The following ADARB2 variants were observed in gnomAD, a reference collection of about 807,000 sequenced individuals.
The protein encoded by ADARB2 is adenosine deaminase RNA specific B2 (inactive).
In ADARB2, 25 loss-of-function variants were observed where a neutral mutation model predicts 62.2. That is an observed-to-expected ratio of 0.40 (90% confidence interval 0.29 to 0.56). The LOEUF is 0.56. Among genes scored for constraint, ADARB2 ranks in the 20% least tolerant of loss-of-function variants. ADARB2 has a pLI of 0.43. For missense variants in ADARB2, 1,071 were observed against 1,077.4 expected, an observed-to-expected ratio of 0.99 and a Z score of 0.08; for synonymous variants, 572 against 500.8, an observed-to-expected ratio of 1.14 and a Z score of -1.90.
In ADARB2 at chr10:1,708,984, A is replaced by G. The variant is rs376542534; in HGVS notation, c.100+28067T>C. Among the ~76,000 whole-genome samples the G allele has an allele frequency of 5.9e-5, 9 of 152,296 alleles. No homozygotes were observed. The South Asian group carries it at 1.9e-3, about 32-fold the overall frequency. On this transcript the variant is annotated intron_variant, in intron 1 of 9. Transcript: ENST00000381312. Reference sequence around the variant, plus strand: ...CCTGAGGTAAGGAAAGGAGGAGGCCACGCAGGGAACATTTTAAATATGGAG... The same window carrying G: ...CCTGAGGTAAGGAAAGGAGGAGGCCGCGCAGGGAACATTTTAAATATGGAG...
chr10:1,653,394 G>T (rs894272201), intron 1 of ADARB2, among the ~76,000 whole-genome samples: 1 of 152,220 alleles, frequency 6.6e-6, no homozygotes, highest in Non-Finnish European at 1.5e-5. Context: ...GGGGCATGAA[G>T]AGGCTGGGGT....
At chr10:1,710,234 C>T (rs1834934293) in intron 1 of ADARB2, among the ~76,000 whole-genome samples, 1 of 152,202 alleles carries the variant, frequency 6.6e-6, no homozygotes, top group South Asian at 2.1e-4. Context: ...TATTTAATTT[C>T]TAACCTGGCT....
At chr10:1,494,234 T>C (rs1169126519) in intron 1 of ADARB2, among the ~76,000 whole-genome samples, 1 of 152,178 alleles carries the variant, frequency 6.6e-6, no homozygotes, top group Non-Finnish European at 1.5e-5. Context: ...AAATAGACTT[T>C]AAAATTATGA....
intron 3 of ADARB2, among the ~76,000 whole-genome samples, chr10:1,355,417 C>T (rs1299418023): frequency 6.6e-6 from 1 of 152,228 alleles, no homozygotes; most frequent in Non-Finnish European, 1.5e-5. Flanking sequence ...GGACGTGGGA[C>T]TCAGGTCTCC....
Position 1,216,945 on chromosome 10 carries a change from C to T in ADARB2, c.1682+6G>A. The T allele has an allele frequency of 6.2e-7, 1 of 1,604,800 alleles. No homozygotes were observed. Among genetic ancestry groups the T allele is most frequent in the Non-Finnish European group, 8.5e-7 (1 of 1,179,202 alleles). Reference sequence around the variant, plus strand: ...AACATCCTCGAGAGGAAGCCGTGGGCCTCACCTGGCGATCTTGTCCGTGCA... The same window carrying T: ...AACATCCTCGAGAGGAAGCCGTGGGTCTCACCTGGCGATCTTGTCCGTGCA... On this transcript the variant is annotated splice_donor_region_variant and intron_variant, in intron 7 of 9. Transcript: ENST00000381312.
intron 3 of ADARB2, among the ~76,000 whole-genome samples, chr10:1,283,745 G>T (rs191212815): frequency 6.6e-6 from 1 of 152,314 alleles, no homozygotes; most frequent in East Asian, 1.9e-4. Context: ...TCCTTCATGT[G>T]GCTCACTGGA....
chr10:1,515,750 C>T (rs1399106719), intron 1 of ADARB2, among the ~76,000 whole-genome samples: 2 of 152,238 alleles, frequency 1.3e-5, no homozygotes, highest in South Asian at 2.1e-4. Context: ...GTGTTTCTTC[C>T]AGGCCCGGAA....
chr10:1,227,009 A>C (rs1045363032), intron 6 of ADARB2, among the ~76,000 whole-genome samples: 1 of 152,258 alleles, frequency 6.6e-6, no homozygotes, highest in African/African-American at 2.4e-5. Context: ...GGTGGAGCCT[A>C]TAGAGGCAGG....
intron 1 of ADARB2, among the ~76,000 whole-genome samples, chr10:1,674,808 G>A (rs1588347930): frequency 6.6e-6 from 1 of 152,226 alleles, no homozygotes; most frequent in East Asian, 1.9e-4. Flanking sequence ...ATTCAAGTCG[G>A]AAAGCCCCTG....
At chr10:1,480,735 A>G (rs1831460365) in intron 1 of ADARB2, among the ~76,000 whole-genome samples, 3 of 152,322 alleles carry the variant, frequency 2.0e-5, no homozygotes, top group Admixed American at 6.5e-5. Context: ...GGTCTCATCT[A>G]AAAGAATAAA....
intron 2 of ADARB2, among the ~76,000 whole-genome samples, chr10:1,372,862 A>G (rs2131856025): frequency 6.6e-6 from 1 of 152,328 alleles, no homozygotes; most frequent in Middle Eastern, 3.4e-3. Context: ...ATATGCTTAC[A>G]CCAGGGCAGA....
chr10:1,626,170 A>C (rs1833765846), intron 1 of ADARB2, among the ~76,000 whole-genome samples: 2 of 133,810 alleles, frequency 1.5e-5, no homozygotes, highest in Admixed American at 7.4e-5. Context: ...CCTCCACTGG[A>C]CCTCGGACGC....
At position 1,348,094 on chromosome 10, in the gene ADARB2, C is replaced by T. The variant is rs78212089; in HGVS notation, c.1077+14934G>A. Reference sequence around the variant, plus strand: ...ACAGAGACAGTGGGAATGTGAATCCCGGGCCCCTGCAGGGCTATCTCGGTC... The same window carrying T: ...ACAGAGACAGTGGGAATGTGAATCCTGGGCCCCTGCAGGGCTATCTCGGTC... On this transcript the variant is annotated intron_variant, in intron 3 of 9. Coordinates refer to ENST00000381312, the MANE Select transcript of ADARB2 (RefSeq NM_018702.4). Among the ~76,000 whole-genome samples, 1,338 of 152,062 alleles carry T rather than the reference C, an allele frequency of 8.8e-3. 15 individuals are homozygous for T. The highest frequency in any genetic ancestry group is 0.02 in the African/African-American group (842 of 41,494).
intron 1 of ADARB2, among the ~76,000 whole-genome samples, chr10:1,391,761 A>G (rs1832572652): frequency 1.4e-5 from 2 of 139,280 alleles, no homozygotes; most frequent in Non-Finnish European, 3.1e-5. Flanking sequence ...ATGTCTAAGA[A>G]TTGGATTTTT....
chr10:1,404,860 G>A (rs1417175372), intron 1 of ADARB2, among the ~76,000 whole-genome samples: 1 of 152,244 alleles, frequency 6.6e-6, no homozygotes, highest in Non-Finnish European at 1.5e-5. Flanking sequence ...ATCCCAGCGA[G>A]ACTTGGGTGA....
chr10:1,542,085 T>C (rs1832439748), intron 1 of ADARB2, among the ~76,000 whole-genome samples: 2 of 34,360 alleles, frequency 5.8e-5, no homozygotes, highest in Non-Finnish European at 1.3e-4. Context: ...GTTCAGACCC[T>C]GGATCACAGC....
intron 1 of ADARB2, among the ~76,000 whole-genome samples, chr10:1,471,194 G>A (rs979953947): frequency 3.9e-5 from 6 of 152,104 alleles, no homozygotes; most frequent in South Asian, 2.1e-4. Flanking sequence ...ATTTCATTCC[G>A]CAGAACACTC....
rs531675009 is a variant in ADARB2, at chr10:1,616,454, T to G, written c.100+120597A>C. Among the ~76,000 whole-genome samples, 10 of 151,684 alleles carry G rather than the reference T, an allele frequency of 6.6e-5. No homozygotes were observed. In the South Asian group the frequency reaches 1.5e-3, roughly 22 times the overall value. ...GTTGCATTCTGTCGCTAGATGTTTG[T>G]GTGCCCGTCCAGACACACTCCACAC... On this transcript the variant is annotated intron_variant, in intron 1 of 9. Transcript: ENST00000381312.
chr10:1,327,449 GGCCCAGCGCCTCCTCACT>G (rs1831876786), intron 3 of ADARB2, among the ~76,000 whole-genome samples: 3 of 20,512 alleles, frequency 1.5e-4, no homozygotes, highest in African/African-American at 3.8e-4. Context: ...GCCTCCCCAC[GGCCCAGCGCCTCCTCACT>G]GCACAGCGCC....
Sources: gnomAD v4.1 joint callset for allele counts (sites outside exome capture counted in the v4.1 genomes callset) on GRCh38, gnomAD v4.1.1 for gene constraint, MANE v1.5 for transcripts, NCBI Gene and HGNC (gene_info 2026-07-23, HGNC 2026-07-21) for gene names.